The following NTM variants were observed in gnomAD, a reference collection of about 807,000 sequenced individuals.
NTM encodes the protein IgLON family member 2.
In NTM, 13 loss-of-function variants were observed where a neutral mutation model predicts 42.1. The observed-to-expected ratio is 0.31, with a 90% CI of 0.20 to 0.49. NTM has a LOEUF of 0.49. Ranked by LOEUF, NTM falls within the 20% of genes least tolerant of loss-of-function variation. The pLI, the probability that NTM is intolerant of heterozygous loss-of-function variation, is 0.99. For missense variants in NTM, 373 were observed against 452.8 expected (o/e 0.82, Z 1.60); for synonymous variants, 187 against 179.2 (o/e 1.04, Z -0.35).
At chr11:132,312,953 G>A (rs1275666687) in intron 6 of NTM, among the ~76,000 whole-genome samples, 5 of 152,198 alleles carry the variant, frequency 3.3e-5, no homozygotes, top group South Asian at 2.1e-4. Flanking sequence ...GTTTGGAGAG[G>A]AAGGCTCCCA....
At chr11:132,172,074 GAAC>G in intron 3 of NTM, among the ~76,000 whole-genome samples, 1 of 152,116 alleles carries the variant, frequency 6.6e-6, no homozygotes, top group South Asian at 2.1e-4. Context: ...CCACATAGCA[GAAC>G]AACAAGTCAG....
intron 1 of NTM, among the ~76,000 whole-genome samples, chr11:131,550,264 A>C (rs146760116): frequency 1.1e-3 from 163 of 152,330 alleles, no homozygotes; most frequent in African/African-American, 3.8e-3. Context: ...TGGCCAACAT[A>C]GCAAGACCCC....
At chr11:131,496,717 A>C (rs1285850309) in intron 1 of NTM, among the ~76,000 whole-genome samples, 1 of 152,234 alleles carries the variant, frequency 6.6e-6, no homozygotes, top group Non-Finnish European at 1.5e-5. Flanking sequence ...TAAAACCGTT[A>C]GTGCCTGACA....
intron 2 of NTM, among the ~76,000 whole-genome samples, chr11:131,975,238 T>C (rs904802237): frequency 6.6e-6 from 1 of 152,112 alleles, no homozygotes; most frequent in Non-Finnish European, 1.5e-5. Context: ...TGGAGTGCAG[T>C]TGAGCAATCT....
intron 2 of NTM, among the ~76,000 whole-genome samples, chr11:132,104,247 G>T (rs75663859): frequency 4.1e-4 from 62 of 152,198 alleles, no homozygotes; most frequent in African/African-American, 1.4e-3. Flanking sequence ...AGGCTGTGCC[G>T]CATGAGGCTA....
intron 4 of NTM, among the ~76,000 whole-genome samples, chr11:132,241,339 G>A (rs1411118615): frequency 2.0e-5 from 3 of 151,902 alleles, no homozygotes; most frequent in African/African-American, 7.3e-5. Context: ...TATTTTATTT[G>A]GTTGATAATC....
chr11:131,442,373 G>A (rs1949691276), intron 1 of NTM, among the ~76,000 whole-genome samples: 1 of 152,202 alleles, frequency 6.6e-6, no homozygotes, highest in Admixed American at 6.5e-5. Context: ...AGCAGCAGCA[G>A]CAATACAACA....
intron 2 of NTM, among the ~76,000 whole-genome samples, chr11:132,051,699 G>C (rs563208848): frequency 3.3e-5 from 5 of 152,286 alleles, no homozygotes; most frequent in African/African-American, 4.8e-5. Context: ...AGACAGCAGT[G>C]TCAGTAGAAT....
At chr11:132,151,387 A>G (rs1200651757) in intron 3 of NTM, among the ~76,000 whole-genome samples, 1 of 152,196 alleles carries the variant, frequency 6.6e-6, no homozygotes, top group Non-Finnish European at 1.5e-5. Context: ...GTGTTAAGAA[A>G]GGTCCTCCTT....
intron 1 of NTM, among the ~76,000 whole-genome samples, chr11:131,705,595 C>T (rs1311715683): frequency 6.6e-6 from 1 of 152,080 alleles, no homozygotes; most frequent in Non-Finnish European, 1.5e-5. Flanking sequence ...ACCTCTAATT[C>T]TGCTATAGAA....
In NTM at chr11:131,870,705, C is replaced by A. The variant is rs76983335; in HGVS notation, c.83-40859C>A. Among the ~76,000 whole-genome samples, 122 of 152,244 alleles carry A rather than the reference C, an allele frequency of 8.0e-4. 1 individual carries two copies. The highest frequency in any genetic ancestry group is 2.9e-3 in the African/African-American group (119 of 41,554). On this transcript the variant is annotated intron_variant, in intron 1 of 8. Transcript: ENST00000683400. ...AACTTGCAAAATTTAGAAGCCAATT[C>A]TCAGAGAGAAAATGATTGAAATAAA...
intron 1 of NTM, among the ~76,000 whole-genome samples, chr11:131,865,758 CACACACATGCTACAT>C (rs1295062827): frequency 6.6e-6 from 1 of 151,334 alleles, no homozygotes; most frequent in East Asian, 2.0e-4. Context: ...ACACAAGCTA[CACACACATGCTACAT>C]ACACACATGC....
intron 1 of NTM, among the ~76,000 whole-genome samples, chr11:131,561,034 G>A (rs529805701): frequency 1.9e-4 from 29 of 152,244 alleles, no homozygotes; most frequent in Non-Finnish European, 4.0e-4. Context: ...AGAAAAGCCA[G>A]TGTCCACCTT....
intron 2 of NTM, among the ~76,000 whole-genome samples, chr11:132,140,564 G>A (rs1453884608): frequency 1.3e-5 from 2 of 152,182 alleles, no homozygotes; most frequent in Non-Finnish European, 2.9e-5. Flanking sequence ...CAAGTTTAGA[G>A]TCTAAAAGAA....
chr11:131,755,041 A>G (rs185906204), intron 1 of NTM, among the ~76,000 whole-genome samples: 2 of 152,302 alleles, frequency 1.3e-5, no homozygotes, highest in Admixed American at 1.3e-4. Context: ...GGGGCTAAAG[A>G]GCCTTGGGTA....
chr11:131,789,491 A>ATGGGCCGGGGGC (rs2090093672), intron 1 of NTM, among the ~76,000 whole-genome samples: 1 of 4,324 alleles, frequency 2.3e-4, no homozygotes, highest in African/African-American at 9.3e-4. Flanking sequence ...GAAGAAGAAG[A>ATGGGCCGGGGGC]GGAAAGAAGA....
At chr11:131,458,185 A>T (rs566835355) in intron 1 of NTM, among the ~76,000 whole-genome samples, 2 of 152,212 alleles carry the variant, frequency 1.3e-5, no homozygotes, top group Non-Finnish European at 2.9e-5. Context: ...TGAAAAGAAG[A>T]GAGTGGGTTC....
chr11:132,295,473 A>G (rs774036351), intron 4 of NTM, among the ~76,000 whole-genome samples: 3 of 152,168 alleles, frequency 2.0e-5, no homozygotes, highest in Non-Finnish European at 4.4e-5. Flanking sequence ...AATAAATAAC[A>G]ATACCGTGTG....
chr11:131,484,480 C>T (rs1953943926), intron 1 of NTM, among the ~76,000 whole-genome samples: 1 of 152,200 alleles, frequency 6.6e-6, no homozygotes, highest in Non-Finnish European at 1.5e-5. Flanking sequence ...GGACACAGCG[C>T]TGCTTCGGGC....
Sources: allele counts gnomAD v4.1 joint callset (sites outside exome capture counted in the v4.1 genomes callset), GRCh38; gene constraint gnomAD v4.1.1; transcripts MANE v1.5; gene names NCBI Gene and HGNC (gene_info 2026-07-23, HGNC 2026-07-21).